Variants in MPP3 observed in about 807,000 individuals in gnomAD.
MPP3 encodes the protein MAGUK p55 scaffold protein 3.
Under a neutral mutation model 80.7 loss-of-function variants are expected in MPP3, and 48 were observed. That is an observed-to-expected ratio of 0.59 (90% CI 0.47 to 0.76). The LOEUF (loss-of-function observed/expected upper bound fraction) is 0.76, where lower values mean the gene tolerates loss of function less well. Among genes scored for constraint, MPP3 ranks in the 30% least tolerant of loss-of-function variants. MPP3 has a pLI of 0.00. For synonymous variants in MPP3, 311 were observed against 297.6 expected, an observed-to-expected ratio of 1.04 and a Z score of -0.46; for missense variants, 620 against 763.0, an observed-to-expected ratio of 0.81 and a Z score of 2.21.
intron 8 of MPP3, among the ~76,000 whole-genome samples, chr17:43,826,735 T>C (rs1045749405): frequency 1.1e-4 from 16 of 152,272 alleles, no homozygotes; most frequent in Middle Eastern, 3.4e-3. Context: ...AAGCCCATGC[T>C]ATATTCTTAA....
chr17:43,825,736 A>C lies in MPP3; in HGVS notation c.609+20T>G, dbSNP rs1343287939. 7 of 1,550,734 alleles carry C rather than the reference A, an allele frequency of 4.5e-6. No individual in the cohort carries two copies. The highest frequency in any genetic ancestry group is 6.2e-6 in the Non-Finnish European group (7 of 1,122,042). On this transcript the variant is annotated intron_variant, in intron 9 of 19. Coordinates refer to ENST00000398389, the MANE Select transcript of MPP3 (RefSeq NM_001932.6). Reference sequence around the variant, plus strand: ...GTGTCTGAAGACCCAGCACATCCCTAGCAGGCTTGTAGCACGGACCAGAAT... The same window carrying C: ...GTGTCTGAAGACCCAGCACATCCCTCGCAGGCTTGTAGCACGGACCAGAAT...
chr17:43,822,524 A>AT (rs1289940741), intron 10 of MPP3, among the ~76,000 whole-genome samples: 1 of 151,612 alleles, frequency 6.6e-6, no homozygotes, highest in Non-Finnish European at 1.5e-5. Flanking sequence ...ATCAACCACC[A>AT]TCTCACAGTT....
chr17:43,827,235 C>A (rs1481414467), intron 8 of MPP3, among the ~76,000 whole-genome samples: 1 of 151,606 alleles, frequency 6.6e-6, no homozygotes, highest in East Asian at 1.9e-4. Context: ...AGGCTGGTCT[C>A]GAACTCCCGA....
chr17:43,833,119 G>C lies in MPP3; in HGVS notation c.-115C>G, dbSNP rs908161081. 2 of 151,326 alleles carry C rather than the reference G, an allele frequency of 1.3e-5. No homozygotes were observed. Among genetic ancestry groups the C allele is most frequent in the African/African-American group, 2.4e-5 (1 of 41,080 alleles). The allele number at this position is 151,326 out of a possible 1,614,324, so 9.4% of individuals were successfully genotyped here. ...CTCCTACCTCGTCGCGCCGGGATGTGTGCTCCGCGAACGGGAGCCGCGCGA... is the reference window on the plus strand; with the variant it reads ...CTCCTACCTCGTCGCGCCGGGATGTCTGCTCCGCGAACGGGAGCCGCGCGA... On this transcript the variant is annotated 5_prime_UTR_variant, in exon 1 of 20. Coordinates refer to ENST00000398389, the MANE Select transcript of MPP3 (RefSeq NM_001932.6).
Position 43,801,752 on chromosome 17 carries a change from T to C in MPP3, c.1707A>G (p.Leu569=). 6.2e-7 allele frequency: 1 copy of C among 1,614,152 alleles called. No individual in the cohort carries two copies. The highest frequency in any genetic ancestry group is 1.3e-5 in the African/African-American group (1 of 75,044). ...QGAYSQLKVV[L]EKLSKDTHWV... ...AGTGAGTGTCCTTGCTCAGCTTCTC[T>C]AAGACCACTTTGAGCTGGCTGTAGG... Residue 569 remains leucine, a synonymous_variant, in exon 20 of 20, where the codon TTA becomes TTG. Transcript: ENST00000398389.
At chr17:43,825,487 G>GA in intron 9 of MPP3, 1 of 385,342 alleles carries the variant, frequency 2.6e-6, no homozygotes, top group Non-Finnish European at 4.8e-6. Context: ...CAGGACCCAG[G>GA]AGGGGCCTTG....
chr17:43,816,667 C>G lies in MPP3; in HGVS notation c.967+10G>C, dbSNP rs1443067690. On this transcript the variant is annotated intron_variant, in intron 13 of 19. Transcript: ENST00000398389. The stretch of plus-strand genomic sequence containing the variant: ...CACGCCTGTGGACAGCGGATAGATA[C>G]TGGGCCTACCTTTGTCACAAGGCTG... 4 of 1,573,086 alleles carry G rather than the reference C, an allele frequency of 2.5e-6. No homozygotes were observed. Among genetic ancestry groups the G allele is most frequent in the Non-Finnish European group, 3.5e-6 (4 of 1,158,612 alleles).
At chr17:43,831,478 G>T in intron 4 of MPP3, 81 bp downstream of exon 4, 2 of 1,320,044 alleles carry the variant, frequency 1.5e-6, no homozygotes, top group South Asian at 1.3e-5. Context: ...GCAGGGAGAT[G>T]ACTAGGATGA....
At chr17:43,830,944 C>A (rs2045929687) in intron 5 of MPP3, among the ~76,000 whole-genome samples, 1 of 152,198 alleles carries the variant, frequency 6.6e-6, no homozygotes, top group Admixed American at 6.5e-5. Context: ...TTGGGAACTG[C>A]TGAGCCAATC....
At chr17:43,809,229 G>A in intron 18 of MPP3, 151 bp from the exon 19 acceptor site, 1 of 778,056 alleles carries the variant, frequency 1.3e-6, no homozygotes. Context: ...GACTTCAACT[G>A]GGCAGACCAA....
At chr17:43,821,648 G>A (rs566810857) in intron 10 of MPP3, among the ~76,000 whole-genome samples, 1 of 152,258 alleles carries the variant, frequency 6.6e-6, no homozygotes, top group East Asian at 1.9e-4. Flanking sequence ...CTCTGCTCTA[G>A]AGTCACCCTC....
At chr17:43,806,436 G>C (rs905110302) in intron 19 of MPP3, among the ~76,000 whole-genome samples, 3 of 152,118 alleles carry the variant, frequency 2.0e-5, no homozygotes, top group African/African-American at 7.2e-5. Context: ...AAAGTGCTGG[G>C]ATTACAGGCG....
At chr17:43,822,044 A>T (rs1198938706) in intron 10 of MPP3, among the ~76,000 whole-genome samples, 1 of 152,158 alleles carries the variant, frequency 6.6e-6, no homozygotes, top group East Asian at 1.9e-4. Flanking sequence ...GGGACAGGCT[A>T]CTCATTTTGT....
chr17:43,830,435 TA>T (rs2045910895), intron 5 of MPP3, among the ~76,000 whole-genome samples: 1 of 152,176 alleles, frequency 6.6e-6, no homozygotes, highest in South Asian at 2.1e-4. Context: ...TCAAAGAGAT[TA>T]AACATTTTGC....
chr17:43,832,861 C>CCCCGGGGGACCTCGGAGGGCGGT (rs1420598428), intron 1 of MPP3, 42 bp from the exon 2 acceptor site: 2 of 152,700 alleles, frequency 1.3e-5, no homozygotes, highest in Non-Finnish European at 2.9e-5. Context: ...GGAGCAGCGA[C>CCCCGGGGGACCTCGGAGGGCGGT]CCCGGGGGAC....
chr17:43,832,015 CT>C (rs779865705), intron 2 of MPP3, 72 bp from the exon 3 acceptor site: 1 of 931,780 alleles, frequency 1.1e-6, no homozygotes, highest in South Asian at 1.4e-5. Flanking sequence ...GACTACACAT[CT>C]ACTGTGTTCT....
intron 10 of MPP3, among the ~76,000 whole-genome samples, chr17:43,822,930 C>T (rs572204370): frequency 5.3e-5 from 8 of 152,072 alleles, no homozygotes; most frequent in Non-Finnish European, 8.8e-5. Flanking sequence ...GTATATAGAT[C>T]GCCCAGCTCC....
rs578142554 is a variant in MPP3 at position 43,821,948 on chromosome 17, T to C, written c.685-890A>G. On this transcript the variant is annotated intron_variant, in intron 10 of 19. Coordinates refer to ENST00000398389, the MANE Select transcript of MPP3 (RefSeq NM_001932.6). ...CCAGCCACAGATGTTACCAGGGTCC[T>C]AAGCACTCAGAAGAATGTAATCTTA... is the stretch of plus-strand genomic sequence containing the variant. Among the ~76,000 whole-genome samples, 7 of 152,318 alleles carry C rather than the reference T, an allele frequency of 4.6e-5. No homozygotes were observed. In the South Asian group the frequency reaches 1.2e-3, roughly 27 times the overall value.
chr17:43,825,846 G>A lies in MPP3; in HGVS notation c.524-5C>T. ...CATCTCCAACGTGGACCAGGCCTAG[G>A]AGACACAGGGACTGACCATCAGCAC... On this transcript the variant is annotated splice_region_variant and splice_polypyrimidine_tract_variant and intron_variant, in intron 8 of 19. Coordinates refer to ENST00000398389, the MANE Select transcript of MPP3 (RefSeq NM_001932.6). 1 of 1,583,948 alleles carries A rather than the reference G, an allele frequency of 6.3e-7. No homozygotes were observed. The highest frequency in any genetic ancestry group is 8.7e-7 in the Non-Finnish European group (1 of 1,152,464).
Sources: allele counts gnomAD v4.1 joint callset (sites outside exome capture counted in the v4.1 genomes callset), GRCh38; gene constraint gnomAD v4.1.1; transcripts MANE v1.5; gene names NCBI Gene and HGNC (gene_info 2026-07-23, HGNC 2026-07-21).